HUWE1: variants seen among roughly 807,000 people sequenced by gnomAD.
HUWE1 encodes E3 ubiquitin-protein ligase HUWE1.
Under a neutral mutation model 299.4 loss-of-function variants are expected in HUWE1, and 18 were observed. The observed-to-expected ratio is 0.06, with a 90% CI of 0.04 to 0.09. HUWE1 has a LOEUF of 0.09. HUWE1 is among the 10% of genes least tolerant of loss of function. HUWE1 has a pLI of 1.00. For synonymous variants in HUWE1, 1,317 were observed against 1,286.1 expected (o/e 1.02, Z -0.51); for missense variants, 1,832 against 3,462.3 (o/e 0.53, Z 11.82).
chrX:53,563,173 TG>T (rs1339986891), intron 52 of HUWE1, among the ~76,000 whole-genome samples: 13 of 112,242 alleles, frequency 1.2e-4, no homozygotes, highest in African/African-American at 4.2e-4. Context: ...CCACTAATTG[TG>T]AAACCACAGA....
chrX:53,572,978 T>C (rs2062908279), intron 47 of HUWE1, among the ~76,000 whole-genome samples: 1 of 111,152 alleles, frequency 9.0e-6, no homozygotes, highest in East Asian at 2.8e-4. Flanking sequence ...TCAAGAAACA[T>C]CCTTGAGTCT....
In HUWE1 at chrX:53,595,369, T is replaced by C. The variant is rs782713438; in HGVS notation, c.3198A>G (p.Leu1066=). 1.7e-6 allele frequency: 2 copies of C among 1,210,634 alleles called. No homozygotes were observed. Among genetic ancestry groups the C allele is most frequent in the Non-Finnish European group, 2.2e-6 (2 of 894,894 alleles). ...SSRLGRALAE[L]FGLLVKLCVG... Reference sequence around the variant, plus strand: ...CACAAAGTTTAACAAGAAGTCCAAATAGCTCAGCAAGTGCTCGGCCTAATC... The same window carrying C: ...CACAAAGTTTAACAAGAAGTCCAAACAGCTCAGCAAGTGCTCGGCCTAATC... The change falls in exon 30 of 84, where the codon CTA becomes CTG. Residue 1066 remains leucine (L), a synonymous_variant. Coordinates refer to ENST00000262854, the MANE Select transcript of HUWE1 (RefSeq NM_031407.7).
Position 53,652,245 on chromosome X carries a change from G to C in HUWE1, c.45+1818C>G, listed in dbSNP as rs191847983. Reference sequence around the variant, plus strand: ...TTTCCTTTGTTTTAATGCTTGGAAAGACCATGCCCACTTAAGACAAAGTAA... The same window carrying C: ...TTTCCTTTGTTTTAATGCTTGGAAACACCATGCCCACTTAAGACAAAGTAA... On this transcript the variant is annotated intron_variant, in intron 4 of 83. Coordinates refer to ENST00000262854, the MANE Select transcript of HUWE1 (RefSeq NM_031407.7). Among the ~76,000 whole-genome samples the C allele has an allele frequency of 3.2e-3, 352 of 111,524 alleles. 2 individuals carry two copies. Among genetic ancestry groups the C allele is most frequent in the African/African-American group, 0.011 (338 of 30,725 alleles).
intron 7 of HUWE1, among the ~76,000 whole-genome samples, chrX:53,643,044 C>T (rs1161342133): frequency 8.9e-6 from 1 of 112,257 alleles, no homozygotes; most frequent in Non-Finnish European, 1.9e-5. Context: ...GGTAACTATA[C>T]TATTTAGTAC....
At chrX:53,644,407 A>G (rs920526703) in intron 7 of HUWE1, among the ~76,000 whole-genome samples, 1 of 111,823 alleles carries the variant, frequency 8.9e-6, no homozygotes, top group African/African-American at 3.3e-5. Flanking sequence ...TTGGGAATCC[A>G]ATGTTAAACC....
At position 53,538,863 on chromosome X, in the gene HUWE1, A is replaced by C; in HGVS notation, c.11850T>G (p.Pro3950=). The change falls in exon 76 of 84, where the codon CCT becomes CCG. Residue 3950 remains proline, a synonymous_variant. Transcript: ENST00000262854. ...CAAAGCGAAGGAACTTCTGTGTGTC[A>C]GGGGGCAGGCTTGAGGAGATGTGCA... is the stretch of plus-strand genomic sequence containing the variant. ...SSMHISSSLP[P]DTQKFLRFAE... The C allele has an allele frequency of 8.3e-7, 1 of 1,206,494 alleles. No homozygotes were observed. Among genetic ancestry groups the C allele is most frequent in the Non-Finnish European group, 1.1e-6 (1 of 892,711 alleles).
chrX:53,661,854 G>C (rs1008263424), intron 3 of HUWE1, among the ~76,000 whole-genome samples: 1 of 111,028 alleles, frequency 9.0e-6, no homozygotes, highest in African/African-American at 3.3e-5. Context: ...CCTGAGGTTT[G>C]AATCTTGGTT....
At chrX:53,544,083 C>G (rs1304613582) in intron 72 of HUWE1, 115 bp from the exon 73 acceptor site, 13 of 666,399 alleles carry the variant, frequency 2.0e-5, no homozygotes, top group Non-Finnish European at 2.8e-5. Flanking sequence ...GTCTTTTGAG[C>G]TTTAGCTCAG....
At chrX:53,682,838 G>A (rs1569517322) in intron 2 of HUWE1, among the ~76,000 whole-genome samples, 1 of 111,521 alleles carries the variant, frequency 9.0e-6, no homozygotes, top group Non-Finnish European at 1.9e-5. Context: ...TTACTGGAGA[G>A]TTATCCTCTA....
rs782586031 is a variant in HUWE1 at position 53,669,261 on chromosome X, T to C, written c.-25+10788A>G. On this transcript the variant is annotated intron_variant, in intron 3 of 83. Coordinates refer to ENST00000262854, the MANE Select transcript of HUWE1 (RefSeq NM_031407.7). ...TTAAAAACAAAGGTGTCCCAACATATAGAAAAAAATGGCTGTCTGAGTAAA... is the reference window on the plus strand; with the variant it reads ...TTAAAAACAAAGGTGTCCCAACATACAGAAAAAAATGGCTGTCTGAGTAAA... Among the ~76,000 whole-genome samples, 8 of 112,205 alleles carry C rather than the reference T, an allele frequency of 7.1e-5. No homozygotes were observed. The South Asian group carries it at 2.9e-3, about 41-fold the overall frequency.
At chrX:53,628,309 C>A (rs2066653183) in intron 15 of HUWE1, among the ~76,000 whole-genome samples, 184 bp downstream of exon 15, 1 of 110,902 alleles carries the variant, frequency 9.0e-6, no homozygotes, top group Non-Finnish European at 1.9e-5. Flanking sequence ...GAAGTAGCTG[C>A]TCTTAAACAT....
At chrX:53,541,727 T>A (rs987429195) in intron 74 of HUWE1, among the ~76,000 whole-genome samples, 3 of 111,743 alleles carry the variant, frequency 2.7e-5, no homozygotes, top group Admixed American at 9.5e-5. Context: ...TAGCTGGGCA[T>A]GGTGGCCTGT....
intron 43 of HUWE1, among the ~76,000 whole-genome samples, chrX:53,578,104 T>C (rs1313428550): frequency 1.0e-5 from 1 of 98,958 alleles, no homozygotes; most frequent in Non-Finnish European, 2.0e-5. Flanking sequence ...CGCCATCCCA[T>C]CTAGGAAGTG....
rs782297466 is a variant in HUWE1 at position 53,535,454 on chromosome X, C to T, written c.12579G>A (p.Gly4193=). The T allele has an allele frequency of 6.6e-6, 8 of 1,207,761 alleles. No homozygotes were observed. In the Admixed American group the frequency reaches 8.8e-5, roughly 13 times the overall value. Residue 4193 remains glycine, a synonymous_variant, in exon 81 of 84, where the codon GGG becomes GGA. Coordinates refer to ENST00000262854, the MANE Select transcript of HUWE1 (RefSeq NM_031407.7). ...VCEVRDLKPN[G]ANILVTEENK... is the part of the protein sequence containing the mutation. ...TCTCCTCTGTTACCAAGATGTTGGC[C>T]CCATTGGGTTTGAGGTCACGAACTT... is the stretch of plus-strand genomic sequence containing the variant.
At position 53,546,753 on chromosome X, in the gene HUWE1, T is replaced by G. The variant is rs2061555511; in HGVS notation, c.10709A>C (p.Lys3570Thr). 1 of 1,209,347 alleles carries G rather than the reference T, an allele frequency of 8.3e-7. No homozygotes were observed. The highest frequency in any genetic ancestry group is 1.1e-6 in the Non-Finnish European group (1 of 894,597). ...SDGGSSSTDF[K>T]MVSSGLTENQ... ...TTCAGTGAGGCCAGAGGACACCATCTTAAAGTCTGTACTGCTGCTGCCCCC... is the reference window on the plus strand; with the variant it reads ...TTCAGTGAGGCCAGAGGACACCATCGTAAAGTCTGTACTGCTGCTGCCCCC... The change falls in exon 69 of 84, where the codon AAG becomes ACG. Residue 3570 changes from lysine to threonine, a missense_variant. Physicochemically the swap from Lys to Thr is moderately conservative, Grantham distance 78. Transcript: ENST00000262854.
At position 53,625,173 on chromosome X, in the gene HUWE1, T is replaced by G; in HGVS notation, c.1575A>C (p.Ser525=). ...LKKAIQDPAF[S]DGIRHVMDGS... ...ATCAAATACCATGTCGTATGCCATC[T>G]GAGAAAGCAGGGTCTTGGATGGCCT... is the stretch of plus-strand genomic sequence containing the variant. The change falls in exon 18 of 84, where the codon TCA becomes TCC. Residue 525 remains serine, a synonymous_variant. Coordinates refer to ENST00000262854, the MANE Select transcript of HUWE1 (RefSeq NM_031407.7). The G allele has an allele frequency of 8.4e-7, 1 of 1,187,974 alleles. No homozygotes were observed. Among genetic ancestry groups the G allele is most frequent in the Non-Finnish European group, 1.1e-6 (1 of 873,650 alleles).
At chrX:53,648,066 G>T in intron 5 of HUWE1, 146 bp downstream of exon 5, 1 of 498,933 alleles carries the variant, frequency 2.0e-6, no homozygotes, top group Non-Finnish European at 3.6e-6. Flanking sequence ...CTGGTTTAAA[G>T]CTGTGTTAGG....
In HUWE1 at chrX:53,548,107, C is replaced by G; in HGVS notation, c.10202G>C (p.Ser3401Thr). ...LLVKLDNMNV[S>T]RKGKNSVKSV... ...CTTCACGGAGTTCTTGCCTTTCCGG[C>G]TGACATTCATGTTGTCCAGTTTTAC... Residue 3401 changes from serine to threonine, a missense_variant, in exon 68 of 84, where the codon AGC (serine) becomes ACC (threonine). Coordinates refer to ENST00000262854, the MANE Select transcript of HUWE1 (RefSeq NM_031407.7). 8.3e-7 allele frequency: 1 copy of G among 1,208,605 alleles called. No homozygotes were observed. The highest frequency in any genetic ancestry group is 1.8e-5 in the South Asian group (1 of 56,257).
chrX:53,623,363 T>TA (rs1300779787), intron 19 of HUWE1, among the ~76,000 whole-genome samples: 35 of 109,114 alleles, frequency 3.2e-4, no homozygotes, highest in African/African-American at 6.0e-4. Flanking sequence ...AAACAAATCT[T>TA]AAAAAAAAAC....
Sources: allele counts gnomAD v4.1 joint callset (sites outside exome capture counted in the v4.1 genomes callset), GRCh38; gene constraint gnomAD v4.1.1; transcripts MANE v1.5; gene names NCBI Gene and HGNC (gene_info 2026-07-23, HGNC 2026-07-21).